PCDH15: variants seen among roughly 807,000 people sequenced by gnomAD.
PCDH15 encodes the protein protocadherin-15.
A neutral mutation model predicts 178.5 loss-of-function variants in PCDH15; 129 were observed. The observed-to-expected ratio is 0.72, with a 90% confidence interval of 0.63 to 0.84. PCDH15 has a LOEUF of 0.84. Among genes scored for constraint, PCDH15 ranks in the 40% least tolerant of loss-of-function variants. PCDH15 has a pLI of 0.00. For missense variants in PCDH15, 2,230 were observed against 2,099.9 expected (o/e 1.06, Z -1.21); for synonymous variants, 800 against 732.0 (o/e 1.09, Z -1.50).
intron 32 of PCDH15, chr10:53,822,365 A>G: frequency 6.3e-7 from 1 of 1,576,644 alleles, no homozygotes; most frequent in Non-Finnish European, 8.6e-7. Flanking sequence ...GAAGAGGAAG[A>G]GGGATAGAAG....
chr10:54,332,658 C>T (rs1399871813), intron 6 of PCDH15, among the ~76,000 whole-genome samples: 1 of 151,692 alleles, frequency 6.6e-6, no homozygotes, highest in Non-Finnish European at 1.5e-5. Flanking sequence ...TATTTGGGAT[C>T]TTCTGTTTTG....
In PCDH15 at chr10:53,892,772, TAGG is replaced by T. The variant is rs531314362; in HGVS notation, c.3501+10468_3501+10470del. On this transcript the variant is annotated intron_variant, in intron 26 of 37. Transcript: ENST00000644397. ...AACGGAATATCAAGTTTCAGTTATA[TAGG>T]AGGAATAAGGTAAAGGGATATATTG... Among the ~76,000 whole-genome samples, 28 of 152,230 alleles carry T rather than the reference TAGG, an allele frequency of 1.8e-4. No individual in the cohort carries two copies. The South Asian group carries it at 5.8e-3, about 32-fold the overall frequency.
chr10:55,106,210 G>T (rs1364377398), intron 2 of PCDH15, among the ~76,000 whole-genome samples: 2 of 152,048 alleles, frequency 1.3e-5, no homozygotes, highest in African/African-American at 4.8e-5. Context: ...CTTGAAATTA[G>T]CCATGGTTGG....
intron 2 of PCDH15, among the ~76,000 whole-genome samples, chr10:55,372,726 T>C (rs1845537052): frequency 1.3e-5 from 2 of 152,220 alleles, no homozygotes; most frequent in South Asian, 4.1e-4. Context: ...CAACCACTTC[T>C]CTCATATCAC....
In PCDH15 at chr10:54,902,690, C is replaced by T. The variant is rs141178598; in HGVS notation, c.-79-5190G>A. On this transcript the variant is annotated intron_variant, in intron 2 of 5. Coordinates refer to the PCDH15 transcript ENST00000458638. ...AACCAGAAGATATGTCATTTCTGGG[C>T]GAAATATCAGTGCCCTTACTGAGGA... 4.5e-3 allele frequency among the ~76,000 whole-genome samples: 692 copies of T among 152,164 alleles called. 8 individuals carry two copies. The highest frequency in any genetic ancestry group is 0.016 in the African/African-American group (649 of 41,516).
At chr10:54,064,307 GT>G (rs2094093981) in intron 18 of PCDH15, among the ~76,000 whole-genome samples, 1 of 152,140 alleles carries the variant, frequency 6.6e-6, no homozygotes, top group African/African-American at 2.4e-5. Flanking sequence ...TGGCTCCAGG[GT>G]TTTTTTGGGC....
intron 2 of PCDH15, among the ~76,000 whole-genome samples, chr10:55,377,904 G>A (rs369074833): frequency 2.4e-4 from 36 of 152,002 alleles, no homozygotes; most frequent in African/African-American, 7.5e-4. Context: ...CATGTCCTTC[G>A]TGGCGACATA....
At chr10:53,874,019 T>C (rs1391472452) in intron 26 of PCDH15, among the ~76,000 whole-genome samples, 1 of 152,182 alleles carries the variant, frequency 6.6e-6, no homozygotes, top group Non-Finnish European at 1.5e-5. Flanking sequence ...AATAAATTTG[T>C]CTTGTATATA....
intron 18 of PCDH15, among the ~76,000 whole-genome samples, chr10:54,029,425 G>T (rs532706164): frequency 5.9e-5 from 9 of 152,210 alleles, no homozygotes; most frequent in African/African-American, 1.9e-4. Flanking sequence ...TCTGTCCATG[G>T]TTAACACATT....
chr10:54,625,481 G>T (rs2093517692), intron 2 of PCDH15, among the ~76,000 whole-genome samples: 1 of 152,014 alleles, frequency 6.6e-6, no homozygotes, highest in African/African-American at 2.4e-5. Flanking sequence ...GTTATGAGGG[G>T]GAGACTTTTC....
intron 21 of PCDH15, among the ~76,000 whole-genome samples, chr10:53,992,162 C>T (rs1402410308): frequency 2.0e-5 from 3 of 152,064 alleles, no homozygotes; most frequent in African/African-American, 7.2e-5. Flanking sequence ...CAACTCCAGA[C>T]GTGCTGCCTT....
intron 20 of PCDH15, among the ~76,000 whole-genome samples, chr10:53,998,215 AC>A (rs1449288258): frequency 6.6e-6 from 1 of 152,062 alleles, no homozygotes; most frequent in Non-Finnish European, 1.5e-5. Flanking sequence ...TATCACTAAA[AC>A]CCATAATATT....
chr10:55,242,397 G>C (rs920215106), intron 1 of PCDH15, among the ~76,000 whole-genome samples: 1 of 152,034 alleles, frequency 6.6e-6, no homozygotes, highest in Non-Finnish European at 1.5e-5. Context: ...TGCTTTGCTT[G>C]TAAATTTATA....
chr10:55,589,392 C>A (rs1483375601), intron 2 of PCDH15, among the ~76,000 whole-genome samples: 1 of 152,150 alleles, frequency 6.6e-6, no homozygotes, highest in Non-Finnish European at 1.5e-5. Context: ...TCTGAGGGCT[C>A]TGTTCTGTTC....
chr10:54,707,798 T>C (rs892885747), intron 1 of PCDH15, among the ~76,000 whole-genome samples: 2 of 152,066 alleles, frequency 1.3e-5, no homozygotes, highest in East Asian at 3.9e-4. Flanking sequence ...AAAAACCACA[T>C]GCTGGCTGTT....
intron 1 of PCDH15, among the ~76,000 whole-genome samples, chr10:55,270,481 G>A (rs974462954): frequency 2.0e-5 from 3 of 151,208 alleles, no homozygotes; most frequent in Admixed American, 1.3e-4. Context: ...AATGGGCAAA[G>A]GATATGAACA....
At chr10:54,681,516 T>C (rs2094898553) in intron 1 of PCDH15, among the ~76,000 whole-genome samples, 2 of 152,058 alleles carry the variant, frequency 1.3e-5, no homozygotes, top group African/African-American at 4.8e-5. Flanking sequence ...CAGGAGAGAA[T>C]GCTAATATGT....
At chr10:55,570,327 C>A (rs946920160) in intron 2 of PCDH15, among the ~76,000 whole-genome samples, 2 of 151,810 alleles carry the variant, frequency 1.3e-5, no homozygotes, top group Non-Finnish European at 2.9e-5. Flanking sequence ...AAAAGACAAC[C>A]CTGTTCACAT....
chr10:54,633,828 G>C (rs1565807627), intron 2 of PCDH15, among the ~76,000 whole-genome samples: 1 of 152,030 alleles, frequency 6.6e-6, no homozygotes, highest in Admixed American at 6.6e-5. Flanking sequence ...AATAACCATG[G>C]AGAACTGAAA....
Sources: gnomAD v4.1 joint callset for allele counts (sites outside exome capture counted in the v4.1 genomes callset) on GRCh38, gnomAD v4.1.1 for gene constraint, MANE v1.5 for transcripts, NCBI Gene and HGNC (gene_info 2026-07-23, HGNC 2026-07-21) for gene names.